The following ZNF275 variants were observed in gnomAD, a reference collection of about 807,000 sequenced individuals.
ZNF275 encodes zinc finger protein 275.
Under a neutral mutation model 4.3 loss-of-function variants are expected in ZNF275, and 4 were observed. The observed-to-expected ratio is 0.93, with a 90% confidence interval of 0.46 to 2.13. The LOEUF (loss-of-function observed/expected upper bound fraction) is 2.13, where lower values mean the gene tolerates loss of function less well. Among genes scored for constraint, ZNF275 ranks in the 30% most tolerant of loss-of-function variants. The probability of loss-of-function intolerance (pLI) is 0.02; values close to 1 mark genes in which losing one functional copy is unlikely to be tolerated. For missense variants in ZNF275, 352 were observed against 397.1 expected (o/e 0.89, Z 0.97); for synonymous variants, 173 against 166.9 (o/e 1.04, Z -0.28).
intron 2 of ZNF275, among the ~76,000 whole-genome samples, chrX:153,342,031 C>A (rs782305677): frequency 8.9e-6 from 1 of 112,194 alleles, no homozygotes; most frequent in Non-Finnish European, 1.9e-5. Flanking sequence ...TCCCTCCCCC[C>A]ACTTTTCCTC....
At chrX:153,337,318 C>T (rs2088452925) in intron 2 of ZNF275, among the ~76,000 whole-genome samples, 1 of 111,862 alleles carries the variant, frequency 8.9e-6, no homozygotes, top group African/African-American at 3.3e-5. Context: ...TCAGAAGCTA[C>T]CGTTAGCCAG....
At chrX:153,335,272 C>T (rs936566004) in intron 1 of ZNF275, among the ~76,000 whole-genome samples, 1 of 109,627 alleles carries the variant, frequency 9.1e-6, no homozygotes, top group African/African-American at 3.3e-5. Context: ...GCATGCGGCC[C>T]CCTCCAGTCT....
At chrX:153,345,771 T>C (rs5969963) in intron 3 of ZNF275, 150 bp downstream of exon 3, 1 of 101,676 alleles carries the variant, frequency 9.8e-6, no homozygotes, top group Non-Finnish European at 1.4e-5. Flanking sequence ...GGTTAGGGTT[T>C]GGGGGCCCTG....
At chrX:153,335,139 C>T (rs2088437180) in intron 1 of ZNF275, among the ~76,000 whole-genome samples, 1 of 107,799 alleles carries the variant, frequency 9.3e-6, no homozygotes, top group African/African-American at 3.4e-5. Context: ...CACTCGCCTG[C>T]CGCCCAAAGT....
intron 2 of ZNF275, among the ~76,000 whole-genome samples, chrX:153,339,243 A>G (rs1332122479): frequency 1.8e-5 from 2 of 111,697 alleles, no homozygotes; most frequent in African/African-American, 3.3e-5. Flanking sequence ...GCGCTGTTGG[A>G]GCTCCATATC....
At position 153,347,580 on chromosome X, in the gene ZNF275, G is replaced by A. The variant is rs782224594; in HGVS notation, c.895G>A (p.Gly299Ser). The part of the protein sequence containing the change: ...GAKPYGCPHC[G>S]KLFRRSSELT... ...CAAGCCATACGGGTGTCCCCACTGC[G>A]GCAAGCTCTTCCGAAGGAGCTCGGA... The change falls in exon 4 of 4, where the codon GGC becomes AGC. Residue 299 changes from glycine (G) to serine (S), a missense_variant. Physicochemically the swap from Gly to Ser is moderately conservative, Grantham distance 56 (BLOSUM62 0). Coordinates refer to ENST00000650114, the MANE Select transcript of ZNF275 (RefSeq NM_001367757.1). The A allele has an allele frequency of 3.1e-5, 37 of 1,191,313 alleles. No homozygotes were observed. Among genetic ancestry groups the A allele is most frequent in the Non-Finnish European group, 3.7e-5 (33 of 886,799 alleles).
chrX:153,346,936 A>G lies in ZNF275; in HGVS notation c.251A>G (p.Asp84Gly). The change falls in exon 4 of 4, where the codon GAC (aspartate) becomes GGC (glycine). Residue 84 changes from aspartate (D) to glycine (G), a missense_variant. Asp to Gly is a moderately conservative substitution (Grantham distance 94). Coordinates refer to ENST00000650114, the MANE Select transcript of ZNF275 (RefSeq NM_001367757.1). ...AGTCCTGAATTCAGACAGCACGGGG[A>G]CTCTGACGGGAAGAGAGGGAGCCCA... ...GPSPEFRQHG[D>G]SDGKRGSPQN... The G allele has an allele frequency of 8.3e-7, 1 of 1,211,349 alleles. No individual in the cohort carries two copies. The highest frequency in any genetic ancestry group is 2.2e-5 in the Admixed American group (1 of 46,028).
At chrX:153,345,710 T>C (rs1359024851) in intron 3 of ZNF275, 89 bp downstream of exon 3, 1 of 715,424 alleles carries the variant, frequency 1.4e-6, no homozygotes, top group African/African-American at 2.2e-5. Flanking sequence ...CCAGCTGAGC[T>C]GTTAGGCTTC....
intron 3 of ZNF275, 115 bp downstream of exon 3, chrX:153,345,736 GTCCCAGCTGAGCTCTTGGA>G (rs2088509543): frequency 6.8e-6 from 1 of 146,025 alleles, no homozygotes; most frequent in Non-Finnish European, 9.3e-6. Flanking sequence ...AGGGTTGGGG[GTCCCAGCTGAGCTCTTGGA>G]GTTGAGGTTA....
chrX:153,337,319 C>T (rs959550386), intron 2 of ZNF275, among the ~76,000 whole-genome samples: 1 of 111,739 alleles, frequency 8.9e-6, no homozygotes, highest in Non-Finnish European at 1.9e-5. Context: ...CAGAAGCTAC[C>T]GTTAGCCAGT....
chrX:153,340,752 C>A (rs1556960994), intron 2 of ZNF275, among the ~76,000 whole-genome samples: 1 of 111,846 alleles, frequency 8.9e-6, no homozygotes, highest in Admixed American at 9.4e-5. Context: ...TTCCTTTTTT[C>A]TCCTAAAATG....
At position 153,352,508 on chromosome X, in the gene ZNF275, G is replaced by A. The variant is rs1231737893; in HGVS notation, c.*4533G>A. 3.6e-5 allele frequency: 4 copies of A among 112,089 alleles called. No homozygotes were observed. The Admixed American group carries it at 3.8e-4, about 11-fold the overall frequency. The allele number at this position is 112,089 out of a possible 1,213,427, so 9.2% of individuals were successfully genotyped here. On this transcript the variant is annotated 3_prime_UTR_variant, in exon 4 of 4. Transcript: ENST00000650114. ...CGATTTCCAGCATGTCCATCAGATG[G>A]GGGGATTGCTAACTTCTCTCTTACT...
intron 2 of ZNF275, among the ~76,000 whole-genome samples, chrX:153,341,685 T>A (rs1321217603): frequency 8.9e-6 from 1 of 112,445 alleles, no homozygotes; most frequent in African/African-American, 3.2e-5. Flanking sequence ...TTTGCCTTCA[T>A]TTTGGAAGGA....
chrX:153,336,573 A>G, intron 1 of ZNF275, 61 bp from the exon 2 acceptor site: 1 of 807,965 alleles, frequency 1.2e-6, no homozygotes, highest in Non-Finnish European at 1.8e-6. Flanking sequence ...TGTGGGGGAC[A>G]TGTTCCTGGG....
At chrX:153,339,083 C>T (rs1439289418) in intron 2 of ZNF275, among the ~76,000 whole-genome samples, 1 of 110,720 alleles carries the variant, frequency 9.0e-6, no homozygotes, top group Non-Finnish European at 1.9e-5. Context: ...GTAGTGCATG[C>T]TCCAGGGATG....
intron 2 of ZNF275, among the ~76,000 whole-genome samples, chrX:153,339,470 G>A (rs1172782284): frequency 2.7e-5 from 3 of 109,842 alleles, no homozygotes; most frequent in Non-Finnish European, 5.7e-5. Flanking sequence ...CCAGAAGTTC[G>A]AGACAGTCTA....
Position 153,348,974 on chromosome X carries a change from G to A in ZNF275, c.*999G>A, listed in dbSNP as rs1482213290. ...CCTATACATATCCAAAACTAGCATCGATTGGGGTTGTTTTGAACTAATGGG... is the reference window on the plus strand; with the variant it reads ...CCTATACATATCCAAAACTAGCATCAATTGGGGTTGTTTTGAACTAATGGG... On this transcript the variant is annotated 3_prime_UTR_variant, in exon 4 of 4. Transcript: ENST00000650114. 8.1e-6 allele frequency: 1 copy of A among 122,870 alleles called. No homozygotes were observed. Among genetic ancestry groups the A allele is most frequent in the Non-Finnish European group, 1.9e-5 (1 of 53,203 alleles). 10.1% of individuals were successfully genotyped at this position (122,870 alleles called of 1,213,427 possible).
Position 153,336,714 on chromosome X carries a change from A to G in ZNF275, c.31+4A>G. ...CATCCGTGTGTGTCTCTTTTGGGTA[A>G]GTCTGGGTGTTTATGCATGGTGTCT... On this transcript the variant is annotated splice_donor_region_variant and intron_variant, in intron 2 of 3. Transcript: ENST00000650114. The G allele has an allele frequency of 8.6e-7, 1 of 1,167,096 alleles. No individual in the cohort carries two copies. The highest frequency in any genetic ancestry group is 1.1e-6 in the Non-Finnish European group (1 of 872,664).
Position 153,339,933 on chromosome X carries a change from C to T in ZNF275, c.31+3223C>T, listed in dbSNP as rs782706133. On this transcript the variant is annotated intron_variant, in intron 2 of 3. Coordinates refer to ENST00000650114, the MANE Select transcript of ZNF275 (RefSeq NM_001367757.1). ...GAGGTCAGCGAGAAGAGGTCTCTAACAGGTCCTCTTTCTCAGAAGGTGTAT... is the reference window on the plus strand; with the variant it reads ...GAGGTCAGCGAGAAGAGGTCTCTAATAGGTCCTCTTTCTCAGAAGGTGTAT... Among the ~76,000 whole-genome samples the T allele has an allele frequency of 2.7e-5, 3 of 112,011 alleles. No homozygotes were observed. In the East Asian group the frequency reaches 8.4e-4, roughly 32 times the overall value.
Sources: gnomAD v4.1 joint callset for allele counts (sites outside exome capture counted in the v4.1 genomes callset) on GRCh38, gnomAD v4.1.1 for gene constraint, MANE v1.5 for transcripts, NCBI Gene and HGNC (gene_info 2026-07-23, HGNC 2026-07-21) for gene names.